CBX1: variants seen among roughly 807,000 people sequenced by gnomAD.
The protein encoded by CBX1 is chromobox 1.
Under a neutral mutation model 25.1 loss-of-function variants are expected in CBX1, and 10 were observed. The ratio of observed to expected loss-of-function variants is 0.40; its 90% confidence interval spans 0.25 to 0.68. The LOEUF is 0.68. Ranked by LOEUF, CBX1 falls within the 30% of genes least tolerant of loss-of-function variation. CBX1 has a pLI of 0.40. For missense variants in CBX1, 106 were observed against 218.5 expected (o/e 0.49, Z 3.25); for synonymous variants, 63 against 79.4 (o/e 0.79, Z 1.10).
chr17:48,071,600 A>C (rs1598301793), intron 4 of CBX1, 21 bp from the exon 5 acceptor site: 1 of 1,576,356 alleles, frequency 6.3e-7, no homozygotes, highest in East Asian at 2.3e-5. Context: ...AAGCAAAGAG[A>C]GACTTTGAGA....
chr17:48,090,156 C>A (rs1402522533), intron 1 of CBX1, among the ~76,000 whole-genome samples: 1 of 151,982 alleles, frequency 6.6e-6, no homozygotes, highest in African/African-American at 2.4e-5. Context: ...CCCACCTCAG[C>A]CTCCCAAAGT....
intron 4 of CBX1, among the ~76,000 whole-genome samples, chr17:48,072,832 T>G (rs1262022301): frequency 6.6e-6 from 1 of 150,880 alleles, no homozygotes; most frequent in Admixed American, 6.6e-5. Context: ...TATAAGGGAA[T>G]TAGGAGTAAA....
rs112780254 is a variant in CBX1 at position 48,083,830 on chromosome 17, C to CA, written c.-37-6790dup. Among the ~76,000 whole-genome samples, 110 of 145,486 alleles carry CA rather than the reference C, an allele frequency of 7.6e-4. 7 individuals carry two copies. Among genetic ancestry groups the CA allele is most frequent in the African/African-American group, 2.5e-3 (96 of 38,274 alleles). ...CAAAAGCGAAACTCCATCCCCCCTC[C>CA]AAAAAAAAAATCCTTTGACCATTAC... On this transcript the variant is annotated intron_variant, in intron 1 of 4. Transcript: ENST00000225603.
chr17:48,094,705 G>C (rs2063363130), intron 1 of CBX1, among the ~76,000 whole-genome samples: 1 of 150,456 alleles, frequency 6.6e-6, no homozygotes, highest in Admixed American at 6.7e-5. Context: ...CTGCACTCCA[G>C]CCTGGGTGAC....
chr17:48,097,419 A>G (rs917044615), intron 1 of CBX1, among the ~76,000 whole-genome samples: 22 of 152,094 alleles, frequency 1.4e-4, no homozygotes, highest in Admixed American at 6.6e-4. Context: ...GTTCAACACC[A>G]GCCTGGCCAA....
chr17:48,089,771 C>T (rs1216458564), intron 1 of CBX1, among the ~76,000 whole-genome samples: 2 of 149,650 alleles, frequency 1.3e-5, no homozygotes, highest in South Asian at 2.2e-4. Context: ...TGTAGTGGGC[C>T]GAGATCGTGT....
intron 1 of CBX1, among the ~76,000 whole-genome samples, chr17:48,090,878 A>T (rs1382943687): frequency 1.3e-5 from 2 of 152,260 alleles, no homozygotes; most frequent in Non-Finnish European, 2.9e-5. Flanking sequence ...TGGGGTAGAC[A>T]AGACAGACAA....
At chr17:48,100,900 C>T in intron 1 of CBX1, 1 of 985,688 alleles carries the variant, frequency 1.0e-6, no homozygotes. Flanking sequence ...GTATGCGCCT[C>T]CTCACGCCTA....
Position 48,076,604 on chromosome 17 carries a change from G to A in CBX1, c.140+261C>T, listed in dbSNP as rs568884668. The stretch of plus-strand genomic sequence containing the variant: ...GAGGATACCTTGAGCCTGGGAGGTT[G>A]AGGCTGCAGCGAGCTATGACTGCAC... On this transcript the variant is annotated intron_variant, in intron 2 of 4. Coordinates refer to ENST00000225603, the MANE Select transcript of CBX1 (RefSeq NM_001127228.2). 2.0e-5 allele frequency among the ~76,000 whole-genome samples: 3 copies of A among 152,274 alleles called. No homozygotes were observed. The South Asian group carries it at 6.2e-4, about 32-fold the overall frequency.
At chr17:48,087,376 C>T (rs894788004) in intron 1 of CBX1, among the ~76,000 whole-genome samples, 2 of 151,400 alleles carry the variant, frequency 1.3e-5, no homozygotes, top group Non-Finnish European at 2.9e-5. Context: ...GAGTTGAGAT[C>T]GGCCTGGCCA....
chr17:48,087,493 GA>G (rs2063318954), intron 1 of CBX1, among the ~76,000 whole-genome samples: 1 of 151,912 alleles, frequency 6.6e-6, no homozygotes, highest in African/African-American at 2.4e-5. Flanking sequence ...AGAATAGCTT[GA>G]ACCCGGGAGG....
At chr17:48,076,234 T>TA in intron 2 of CBX1, 56 bp from the exon 3 acceptor site, 1 of 1,332,012 alleles carries the variant, frequency 7.5e-7, no homozygotes, top group East Asian at 2.5e-5. Context: ...ATACTCATAC[T>TA]AAGGATAATC....
intron 1 of CBX1, among the ~76,000 whole-genome samples, chr17:48,079,637 G>A (rs147618051): frequency 2.0e-5 from 3 of 152,234 alleles, no homozygotes; most frequent in Non-Finnish European, 4.4e-5. Context: ...GGAACCACAG[G>A]TGTGCGCCAC....
chr17:48,093,086 AAAAGAAAAG>A (rs1208356834), intron 1 of CBX1, among the ~76,000 whole-genome samples: 3 of 78,692 alleles, frequency 3.8e-5, no homozygotes, highest in Non-Finnish European at 7.6e-5. Flanking sequence ...AAAAAAAAAA[AAAAGAAAAG>A]AAAAGAAAAG....
rs2037622067 is a variant in CBX1, at chr17:48,071,207, G to A, written c.*228C>T. The A allele has an allele frequency of 7.8e-6, 3 of 384,962 alleles. No homozygotes were observed. The South Asian group carries it at 2.4e-4, about 30-fold the overall frequency. 23.8% of individuals were successfully genotyped at this position (384,962 alleles called of 1,614,324 possible). On this transcript the variant is annotated 3_prime_UTR_variant, in exon 5 of 5. Coordinates refer to ENST00000225603, the MANE Select transcript of CBX1 (RefSeq NM_001127228.2). ...CTTTTCGCAGCAAAGTGCAGAAAAG[G>A]TTGCCTTGAAACACTTATCCCCTTT... is the stretch of plus-strand genomic sequence containing the variant.
chr17:48,075,355 A>C (rs35202025), intron 3 of CBX1, among the ~76,000 whole-genome samples: 3 of 151,610 alleles, frequency 2.0e-5, no homozygotes, highest in Non-Finnish European at 4.4e-5. Context: ...CCACCACGTC[A>C]GCTAATTTTT....
chr17:48,097,909 G>A (rs1366046216), intron 1 of CBX1, among the ~76,000 whole-genome samples: 2 of 152,184 alleles, frequency 1.3e-5, no homozygotes, highest in Non-Finnish European at 2.9e-5. Context: ...AAAGGACACA[G>A]AAGATTTTTC....
intron 4 of CBX1, among the ~76,000 whole-genome samples, chr17:48,072,169 T>C (rs1260714022): frequency 2.0e-5 from 3 of 151,970 alleles, no homozygotes; most frequent in Non-Finnish European, 4.4e-5. Flanking sequence ...AGCTAATTTT[T>C]GTATTTTTAG....
intron 1 of CBX1, among the ~76,000 whole-genome samples, chr17:48,085,934 G>A (rs1225674004): frequency 1.3e-5 from 2 of 152,124 alleles, no homozygotes; most frequent in African/African-American, 4.8e-5. Context: ...GCTGGTCACG[G>A]TGGCATGCAC....
Sources: gnomAD v4.1 joint callset for allele counts (sites outside exome capture counted in the v4.1 genomes callset) on GRCh38, gnomAD v4.1.1 for gene constraint, MANE v1.5 for transcripts, NCBI Gene and HGNC (gene_info 2026-07-23, HGNC 2026-07-21) for gene names.